The following HTR4 variants were observed in gnomAD, a reference collection of about 807,000 sequenced individuals.
The protein encoded by HTR4 is 5-hydroxytryptamine (serotonin) receptor 4, G protein-coupled.
In HTR4, 16 loss-of-function variants were observed where a neutral mutation model predicts 36.8. That is an observed-to-expected ratio of 0.43 (90% CI 0.29 to 0.66). The LOEUF (loss-of-function observed/expected upper bound fraction) is 0.66, where lower values mean the gene tolerates loss of function less well. HTR4 is among the 30% of genes least tolerant of loss of function. The probability of loss-of-function intolerance (pLI) is 0.13; values close to 1 mark genes in which losing one functional copy is unlikely to be tolerated. For missense variants in HTR4, 438 were observed against 490.9 expected, an observed-to-expected ratio of 0.89 and a Z score of 1.02; for synonymous variants, 189 against 185.1, an observed-to-expected ratio of 1.02 and a Z score of -0.17.
At chr5:148,615,054 A>G (rs1752605749) in intron 2 of HTR4, among the ~76,000 whole-genome samples, 1 of 151,900 alleles carries the variant, frequency 6.6e-6, no homozygotes. Context: ...GGATGTGGAG[A>G]AATAGGAACA....
In HTR4 at chr5:148,637,141, T is replaced by C. The variant is rs998181707; in HGVS notation, c.-47-80A>G. 20 of 861,334 alleles carry C rather than the reference T, an allele frequency of 2.3e-5. No individual in the cohort carries two copies. In the South Asian group the frequency reaches 2.6e-4, roughly 11 times the overall value. The allele number at this position is 861,334 out of a possible 1,614,324, so 53.4% of individuals were successfully genotyped here. A position where few individuals can be genotyped will look rare whatever the true frequency, so the allele number is the denominator to read the frequency against. On this transcript the variant is annotated intron_variant, in intron 1 of 6. Transcript: ENST00000377888. ...AAGTCCTTGTTTTAAAAAACTCAAA[T>C]AACTATTGCTTCCTATTATGACTTG...
chr5:148,628,998 T>C (rs896720979), intron 2 of HTR4: 2 of 152,196 alleles, frequency 1.3e-5, no homozygotes, highest in Admixed American at 6.5e-5. Flanking sequence ...TTGCAATTTT[T>C]TTTTTAATTA....
intron 4 of HTR4, among the ~76,000 whole-genome samples, chr5:148,528,691 G>T (rs185707715): frequency 2.6e-5 from 4 of 152,002 alleles, no homozygotes; most frequent in Non-Finnish European, 4.4e-5. Context: ...TTGATTTTCA[G>T]TTCCTATATT....
At chr5:148,607,923 G>A (rs1202639397) in intron 2 of HTR4, among the ~76,000 whole-genome samples, 1 of 152,012 alleles carries the variant, frequency 6.6e-6, no homozygotes, top group East Asian at 1.9e-4. Context: ...AATTTAATTT[G>A]GCAATGTCGT....
chr5:148,569,450 T>C (rs1392216519), intron 2 of HTR4, among the ~76,000 whole-genome samples: 1 of 152,102 alleles, frequency 6.6e-6, no homozygotes, highest in Non-Finnish European at 1.5e-5. Context: ...CAAACCACCA[T>C]GGCACATGTT....
intron 1 of HTR4, among the ~76,000 whole-genome samples, chr5:148,646,959 C>A (rs1431928830): frequency 2.0e-5 from 3 of 152,210 alleles, no homozygotes; most frequent in Non-Finnish European, 1.5e-5. Context: ...GCTCTCCCAG[C>A]TTAATTTACT....
intron 6 of HTR4, among the ~76,000 whole-genome samples, chr5:148,487,223 T>C (rs1756205551): frequency 6.6e-6 from 1 of 152,110 alleles, no homozygotes; most frequent in Admixed American, 6.6e-5. Flanking sequence ...TGGGTAATGG[T>C]GGATCTAGTG....
At chr5:148,475,347 C>G (rs750936922), downstream of HTR4, among the ~76,000 whole-genome samples, 13 of 152,074 alleles carry the variant, frequency 8.5e-5, no homozygotes, top group Non-Finnish European at 1.8e-4. Flanking sequence ...TTAAATGTTA[C>G]CAAATATGTG....
intron 1 of HTR4, among the ~76,000 whole-genome samples, chr5:148,650,666 T>C (rs1481490744): frequency 6.6e-6 from 1 of 152,198 alleles, no homozygotes; most frequent in African/African-American, 2.4e-5. Context: ...TATAATTCAC[T>C]GTTCCTTCCT....
chr5:148,521,115 G>C (rs1757993002), intron 5 of HTR4: 1 of 988,428 alleles, frequency 1.0e-6, no homozygotes, highest in East Asian at 6.0e-5. Flanking sequence ...TCTACAGCAA[G>C]TGCCTGACAA....
At chr5:148,557,608 A>G (rs1490121032) in intron 2 of HTR4, among the ~76,000 whole-genome samples, 1 of 151,986 alleles carries the variant, frequency 6.6e-6, no homozygotes, top group Non-Finnish European at 1.5e-5. Flanking sequence ...CAGGGTCTTG[A>G]TGAACAGCAG....
At chr5:148,599,299 A>G (rs940313448) in intron 2 of HTR4, among the ~76,000 whole-genome samples, 5 of 152,218 alleles carry the variant, frequency 3.3e-5, no homozygotes, top group African/African-American at 1.2e-4. Flanking sequence ...ACCAAGATCA[A>G]TACAAAGTAA....
At chr5:148,645,984 T>G (rs1041408645) in intron 1 of HTR4, 1 of 152,250 alleles carries the variant, frequency 6.6e-6, no homozygotes, top group African/African-American at 2.4e-5. Flanking sequence ...AATCAAAATT[T>G]GCATTTCAGC....
At chr5:148,620,424 T>C (rs1752872462) in intron 2 of HTR4, among the ~76,000 whole-genome samples, 1 of 152,220 alleles carries the variant, frequency 6.6e-6, no homozygotes, top group African/African-American at 2.4e-5. Context: ...TTGGAATGTA[T>C]GTTCTAGAAC....
At chr5:148,485,799 C>T (rs139362316) in intron 6 of HTR4, among the ~76,000 whole-genome samples, 16 of 152,176 alleles carry the variant, frequency 1.1e-4, no homozygotes, top group Admixed American at 3.9e-4. Context: ...AAAGACAAGG[C>T]GAAAAGATCA....
intron 2 of HTR4, among the ~76,000 whole-genome samples, chr5:148,554,317 C>T (rs186145479): frequency 0.012 from 1,882 of 152,204 alleles, 38 homozygotes; most frequent in African/African-American, 0.043. Flanking sequence ...TCAGGTGATC[C>T]GCCCGCCTCG....
chr5:148,553,119 G>A (rs185537193), intron 2 of HTR4, among the ~76,000 whole-genome samples: 4 of 152,244 alleles, frequency 2.6e-5, no homozygotes, highest in Admixed American at 2.6e-4. Flanking sequence ...GTATGTCCTA[G>A]GGAAACAGCA....
At chr5:148,480,551 G>A (rs1026965881), downstream of HTR4, among the ~76,000 whole-genome samples, 2 of 152,174 alleles carry the variant, frequency 1.3e-5, no homozygotes, top group Non-Finnish European at 2.9e-5. Flanking sequence ...GCTAATTTTT[G>A]TAGCTTTAGT....
intron 4 of HTR4, among the ~76,000 whole-genome samples, chr5:148,544,297 C>A (rs1759268715): frequency 2.5e-5 from 1 of 39,546 alleles, no homozygotes; most frequent in Admixed American, 2.5e-4. Context: ...CTCTCTCTCT[C>A]CACCTCTCTT....
Sources: gnomAD v4.1 joint callset for allele counts (sites outside exome capture counted in the v4.1 genomes callset) on GRCh38, gnomAD v4.1.1 for gene constraint, MANE v1.5 for transcripts, NCBI Gene and HGNC (gene_info 2026-07-23, HGNC 2026-07-21) for gene names.